VOPP1: variants seen among roughly 807,000 people sequenced by gnomAD.
VOPP1 encodes WW domain binding protein VOPP1.
VOPP1 carries 8 observed loss-of-function variants against 23.5 expected under a neutral mutation model. The observed-to-expected ratio is 0.34, with a 90% CI of 0.20 to 0.61. The LOEUF is 0.61. Among genes scored for constraint, VOPP1 ranks in the 20% least tolerant of loss-of-function variants. The pLI is 0.78. For synonymous variants in VOPP1, 83 were observed against 97.3 expected (o/e 0.85, Z 0.86); for missense variants, 174 against 238.1 (o/e 0.73, Z 1.77).
intron 1 of VOPP1, among the ~76,000 whole-genome samples, chr7:55,523,493 A>G (rs1050049191): frequency 1.5e-4 from 23 of 152,160 alleles, no homozygotes; most frequent in Non-Finnish European, 1.0e-4. Context: ...AGAGGGGCAA[A>G]GCACTCAGGT....
intron 4 of VOPP1, among the ~76,000 whole-genome samples, chr7:55,453,838 C>G (rs139979374): frequency 1.1e-3 from 166 of 152,220 alleles, no homozygotes; most frequent in African/African-American, 3.9e-3. Context: ...AACTCAATAC[C>G]TACAAAGAGC....
Position 55,492,399 on chromosome 7 carries a change from C to T in VOPP1, c.211G>A (p.Val71Met), listed in dbSNP as rs372522213. 19 of 1,610,860 alleles carry T rather than the reference C, an allele frequency of 1.2e-5. No homozygotes were observed. The highest frequency in any genetic ancestry group is 1.0e-4 in the Admixed American group (6 of 59,644). ...AAGCCGGCTCCGCAGCAGAAAAGCACGCCCATCATCAGAAGGAACCTGAGG... is the reference window on the plus strand; with the variant it reads ...AAGCCGGCTCCGCAGCAGAAAAGCATGCCCATCATCAGAAGGAACCTGAGG... ...WYFWFLLMMG[V>M]LFCCGAGFFI... The change falls in exon 4 of 5, where the codon GTG (valine) becomes ATG (methionine). Residue 71 changes from valine to methionine, a missense_variant. Coordinates refer to ENST00000285279, the MANE Select transcript of VOPP1 (RefSeq NM_030796.5).
chr7:55,556,538 A>T (rs974440725), intron 1 of VOPP1, among the ~76,000 whole-genome samples: 3 of 152,222 alleles, frequency 2.0e-5, no homozygotes, highest in Non-Finnish European at 4.4e-5. Context: ...ATGGAACCTC[A>T]AAGAGAAAAA....
chr7:55,570,615 G>C (rs1189544020), intron 1 of VOPP1, among the ~76,000 whole-genome samples: 1 of 152,164 alleles, frequency 6.6e-6, no homozygotes, highest in Non-Finnish European at 1.5e-5. Context: ...TAGAATGAAA[G>C]AAACGCTAAA....
intron 2 of VOPP1, among the ~76,000 whole-genome samples, chr7:55,517,423 T>C (rs1227430998): frequency 6.6e-6 from 1 of 152,048 alleles, no homozygotes; most frequent in Non-Finnish European, 1.5e-5. Context: ...ATGGAATGAA[T>C]GAAGTGCAGC....
intron 1 of VOPP1, among the ~76,000 whole-genome samples, chr7:55,552,021 C>CAAAAAAAAA (rs202229227): frequency 1.8e-5 from 1 of 55,796 alleles, no homozygotes; most frequent in African/African-American, 8.5e-5. Context: ...AGACTGTGTC[C>CAAAAAAAAA]AAAAAAAAAA....
intron 1 of VOPP1, among the ~76,000 whole-genome samples, chr7:55,543,144 T>C (rs1584087772): frequency 1.3e-5 from 2 of 152,250 alleles, no homozygotes; most frequent in East Asian, 3.9e-4. Flanking sequence ...CTCGATCTCC[T>C]GACCTCATGA....
chr7:55,556,030 G>A (rs568807174), intron 1 of VOPP1, among the ~76,000 whole-genome samples: 39 of 152,326 alleles, frequency 2.6e-4, no homozygotes, highest in African/African-American at 9.1e-4. Flanking sequence ...GAGAACATGG[G>A]TATGTGCTGG....
At chr7:55,537,566 C>T (rs1451474652) in intron 1 of VOPP1, 3 of 1,535,872 alleles carry the variant, frequency 2.0e-6, no homozygotes, top group African/African-American at 1.4e-5. Flanking sequence ...CACCTCCTCG[C>T]CAGCCAGTCG....
intron 4 of VOPP1, among the ~76,000 whole-genome samples, chr7:55,453,445 A>G (rs1289845482): frequency 1.3e-5 from 2 of 152,196 alleles, no homozygotes; most frequent in African/African-American, 4.8e-5. Context: ...TGAGTGACAT[A>G]CAACTCTTCC....
At chr7:55,439,886 C>T (rs1486004981) in intron 4 of VOPP1, among the ~76,000 whole-genome samples, 1 of 152,150 alleles carries the variant, frequency 6.6e-6, no homozygotes, top group African/African-American at 2.4e-5. Flanking sequence ...CAGAGAGCAC[C>T]AAGTGGATCT....
chr7:55,444,074 T>C (rs1791035778), intron 4 of VOPP1, among the ~76,000 whole-genome samples: 2 of 114,682 alleles, frequency 1.7e-5, no homozygotes, highest in African/African-American at 6.6e-5. Flanking sequence ...GACTGGCCCT[T>C]TATCTATTGC....
At chr7:55,450,889 T>A (rs1240566833) in intron 4 of VOPP1, among the ~76,000 whole-genome samples, 1 of 152,266 alleles carries the variant, frequency 6.6e-6, no homozygotes, top group Non-Finnish European at 1.5e-5. Context: ...TTGTGATTTC[T>A]GGAGTCCAGG....
rs146388425 is a variant in VOPP1 at position 55,512,289 on chromosome 7, C to G, written c.113+8783G>C. Among the ~76,000 whole-genome samples, 473 of 152,044 alleles carry G rather than the reference C, an allele frequency of 3.1e-3. 5 individuals carry two copies. The highest frequency in any genetic ancestry group is 0.011 in the African/African-American group (453 of 41,462). ...AAAAATACAAAAATTAGCTAGGTGT[C>G]GTGGCACGTGCCTGTAATCCCAGCT... On this transcript the variant is annotated intron_variant, in intron 2 of 4. Transcript: ENST00000285279.
At chr7:55,552,021 C>CAAAAAAAA (rs202229227) in intron 1 of VOPP1, among the ~76,000 whole-genome samples, 1 of 55,796 alleles carries the variant, frequency 1.8e-5, no homozygotes, top group African/African-American at 8.5e-5. Context: ...AGACTGTGTC[C>CAAAAAAAA]AAAAAAAAAA....
intron 2 of VOPP1, among the ~76,000 whole-genome samples, chr7:55,518,229 G>A (rs140357155): frequency 1.0e-3 from 152 of 152,316 alleles, no homozygotes; most frequent in African/African-American, 3.6e-3. Context: ...ACAGAGTGGA[G>A]GGATGGGAAG....
intron 4 of VOPP1, among the ~76,000 whole-genome samples, chr7:55,446,380 TG>T (rs1375855263): frequency 6.6e-6 from 1 of 152,236 alleles, no homozygotes; most frequent in Admixed American, 6.5e-5. Flanking sequence ...TGGGAAGTCC[TG>T]TGTGCCCTGA....
rs145403605 is a variant in VOPP1, at chr7:55,525,896, C to T, written c.55-4766G>A. On this transcript the variant is annotated intron_variant, in intron 1 of 4. Transcript: ENST00000285279. ...CCACTCTGAAAAGTCAGTCTACCCACATTTTGCGAAGATACTACTACCATG... is the reference window on the plus strand; with the variant it reads ...CCACTCTGAAAAGTCAGTCTACCCATATTTTGCGAAGATACTACTACCATG... 2.9e-4 allele frequency among the ~76,000 whole-genome samples: 43 copies of T among 150,374 alleles called. 1 individual carries two copies. Among genetic ancestry groups the T allele is most frequent in the Non-Finnish European group, 5.2e-4 (35 of 67,824 alleles).
chr7:55,506,266 C>T lies in VOPP1; in HGVS notation c.114-8576G>A, dbSNP rs137932103. ...CCCACTAACTCTTGCAAGCTCACTTCCCTTTCAGATGACATCACTGCCTCA... is the reference window on the plus strand; with the variant it reads ...CCCACTAACTCTTGCAAGCTCACTTTCCTTTCAGATGACATCACTGCCTCA... On this transcript the variant is annotated intron_variant, in intron 2 of 4. Transcript: ENST00000285279. Among the ~76,000 whole-genome samples, 117 of 152,322 alleles carry T rather than the reference C, an allele frequency of 7.7e-4. 2 individuals are homozygous for T. The highest frequency in any genetic ancestry group is 6.2e-3 in the South Asian group (30 of 4,820).
Sources: gnomAD v4.1 joint callset for allele counts (sites outside exome capture counted in the v4.1 genomes callset) on GRCh38, gnomAD v4.1.1 for gene constraint, MANE v1.5 for transcripts, NCBI Gene and HGNC (gene_info 2026-07-23, HGNC 2026-07-21) for gene names.